GPC6: variants seen among roughly 807,000 people sequenced by gnomAD.
GPC6 encodes glypican 6.
In GPC6, 14 loss-of-function variants were observed where a neutral mutation model predicts 55.2. That is an observed-to-expected ratio of 0.25 (90% CI 0.17 to 0.40). The LOEUF (loss-of-function observed/expected upper bound fraction) is 0.40, where lower values mean the gene tolerates loss of function less well. GPC6 is among the 10% of genes least tolerant of loss of function. The probability of loss-of-function intolerance (pLI) is 1.00; values close to 1 mark genes in which losing one functional copy is unlikely to be tolerated. For missense variants in GPC6, 641 were observed against 708.5 expected, an observed-to-expected ratio of 0.90 and a Z score of 1.08; for synonymous variants, 278 against 259.6, an observed-to-expected ratio of 1.07 and a Z score of -0.68.
At chr13:94,075,376 AC>A (rs1216817227) in intron 4 of GPC6, among the ~76,000 whole-genome samples, 1 of 151,588 alleles carries the variant, frequency 6.6e-6, no homozygotes, top group Non-Finnish European at 1.5e-5. Context: ...CATATTTATC[AC>A]CCCCCAAAAT....
intron 2 of GPC6, among the ~76,000 whole-genome samples, chr13:93,630,840 C>T (rs757252278): frequency 1.3e-5 from 2 of 151,966 alleles, no homozygotes; most frequent in Non-Finnish European, 2.9e-5. Flanking sequence ...TGTGTTCCCC[C>T]AAAATATTCA....
intron 3 of GPC6, chr13:93,830,937 G>C: frequency 5.7e-6 from 1 of 175,848 alleles, no homozygotes; most frequent in South Asian, 1.2e-4. Context: ...AGGGAGTCAA[G>C]ATGACAGTCT....
intron 1 of GPC6, among the ~76,000 whole-genome samples, chr13:93,335,890 T>A (rs1221987784): frequency 6.6e-6 from 1 of 152,212 alleles, no homozygotes; most frequent in Non-Finnish European, 1.5e-5. Flanking sequence ...TAGACTGCCT[T>A]GTAGTTCTAT....
intron 4 of GPC6, among the ~76,000 whole-genome samples, chr13:94,208,481 G>A (rs776894766): frequency 1.1e-4 from 16 of 152,088 alleles, no homozygotes; most frequent in African/African-American, 1.7e-4. Context: ...TTTGATGTAC[G>A]TCTTTAAAAA....
At position 93,515,074 on chromosome 13, in the gene GPC6, CAGAG is replaced by C. The variant is rs1331768455; in HGVS notation, c.161-30186_161-30183del. 2.0e-5 allele frequency among the ~76,000 whole-genome samples: 3 copies of C among 152,250 alleles called. No homozygotes were observed. The East Asian group carries it at 5.8e-4, about 29-fold the overall frequency. On this transcript the variant is annotated intron_variant, in intron 1 of 8. Transcript: ENST00000377047. ...GTATCTGTGTGCCCCTACAAGAAAA[CAGAG>C]AGCTTGTCTCCTTTCTCTCTTGCTA...
intron 5 of GPC6, among the ~76,000 whole-genome samples, chr13:94,296,710 T>C (rs1442003453): frequency 6.6e-6 from 1 of 152,214 alleles, no homozygotes. Context: ...TCATTTGTAG[T>C]GTTTGCCCAT....
intron 4 of GPC6, among the ~76,000 whole-genome samples, chr13:94,264,434 C>G (rs1891734718): frequency 6.6e-6 from 1 of 152,210 alleles, no homozygotes; most frequent in African/African-American, 2.4e-5. Context: ...AAACTTCCAT[C>G]TATGCATTTG....
chr13:93,532,882 A>T (rs1881923201), intron 1 of GPC6, among the ~76,000 whole-genome samples: 1 of 152,178 alleles, frequency 6.6e-6, no homozygotes, highest in Non-Finnish European at 1.5e-5. Flanking sequence ...TTTTTTGCAG[A>T]GTGAAAATTT....
Position 94,383,938 on chromosome 13 carries a change from A to G in GPC6, c.1289+1388A>G, listed in dbSNP as rs556379122. Among the ~76,000 whole-genome samples, 21 of 152,278 alleles carry G rather than the reference A, an allele frequency of 1.4e-4. 1 individual carries two copies. In the South Asian group the frequency reaches 3.7e-3, roughly 27 times the overall value. On this transcript the variant is annotated intron_variant, in intron 7 of 8. Transcript: ENST00000377047. ...GAAGAGGCCCTTATAAAAGCACCAC[A>G]TCTCATGAGAACTCACTCACTATCA...
intron 4 of GPC6, among the ~76,000 whole-genome samples, chr13:94,178,199 A>C (rs566685977): frequency 2.6e-5 from 4 of 152,016 alleles, no homozygotes; most frequent in Middle Eastern, 3.4e-3. Flanking sequence ...GGGTTTCACT[A>C]TGTTGGCCAG....
chr13:93,677,175 A>G (rs1881666896), intron 2 of GPC6, among the ~76,000 whole-genome samples: 1 of 152,126 alleles, frequency 6.6e-6, no homozygotes, highest in Admixed American at 6.5e-5. Flanking sequence ...AGAAGGGAGA[A>G]ATGAGACAAA....
chr13:94,316,718 A>C (rs1696973297), intron 6 of GPC6, among the ~76,000 whole-genome samples: 2 of 54,960 alleles, frequency 3.6e-5, no homozygotes, highest in Non-Finnish European at 4.1e-5. Context: ...CTCCGTCTCA[A>C]AAAAAAAAAA....
At chr13:93,537,357 A>G (rs945629081) in intron 1 of GPC6, among the ~76,000 whole-genome samples, 2 of 152,306 alleles carry the variant, frequency 1.3e-5, no homozygotes, top group Admixed American at 1.3e-4. Flanking sequence ...GGTGAAAACT[A>G]TCTTGCATCT....
intron 1 of GPC6, among the ~76,000 whole-genome samples, chr13:93,368,924 C>T (rs1002632229): frequency 3.4e-4 from 51 of 152,042 alleles, no homozygotes; most frequent in Admixed American, 1.3e-3. Flanking sequence ...TGACTCTTTG[C>T]ACTCTCCTTT....
Position 94,398,775 on chromosome 13 carries a change from A to G in GPC6, c.1465+134A>G, listed in dbSNP as rs927041507. On this transcript the variant is annotated intron_variant, in intron 8 of 8. Transcript: ENST00000377047. ...TCTTCCTCAGGCTGTGATTCTTGTT[A>G]TAGTCTTTTGGACAGAGAGCTCTGA... 10 of 774,602 alleles carry G rather than the reference A, an allele frequency of 1.3e-5. 1 individual carries two copies. The highest frequency in any genetic ancestry group is 4.1e-5 in the Admixed American group (2 of 49,342). 48.0% of individuals were successfully genotyped at this position (774,602 alleles called of 1,614,324 possible).
At chr13:93,587,601 C>G (rs2139501319) in intron 2 of GPC6, among the ~76,000 whole-genome samples, 1 of 152,198 alleles carries the variant, frequency 6.6e-6, no homozygotes, top group Middle Eastern at 3.4e-3. Flanking sequence ...GCTCTCTGAC[C>G]ACAAAATGCT....
At chr13:94,367,725 C>T (rs1879344086) in intron 6 of GPC6, among the ~76,000 whole-genome samples, 1 of 151,742 alleles carries the variant, frequency 6.6e-6, no homozygotes, top group Admixed American at 6.6e-5. Context: ...TCTCAATTCC[C>T]TACGAAACTC....
chr13:93,515,071 A>C (rs1413161403), intron 1 of GPC6, among the ~76,000 whole-genome samples: 1 of 152,084 alleles, frequency 6.6e-6, no homozygotes, highest in African/African-American at 2.4e-5. Flanking sequence ...CCCTACAAGA[A>C]AACAGAGAGC....
At chr13:93,360,571 TA>T (rs140964603) in intron 1 of GPC6, among the ~76,000 whole-genome samples, 20 of 152,228 alleles carry the variant, frequency 1.3e-4, no homozygotes, top group Admixed American at 2.0e-4. Context: ...TGTGTGTAGA[TA>T]AAAAAAGTAA....
Sources: gnomAD v4.1 joint callset for allele counts (sites outside exome capture counted in the v4.1 genomes callset) on GRCh38, gnomAD v4.1.1 for gene constraint, MANE v1.5 for transcripts, NCBI Gene and HGNC (gene_info 2026-07-23, HGNC 2026-07-21) for gene names.